Variants in EYS observed in about 807,000 individuals in gnomAD.
EYS encodes the protein EGF-like photoreceptor maintenance factor.
A neutral mutation model predicts 282.1 loss-of-function variants in EYS; 250 were observed. The ratio of observed to expected loss-of-function variants is 0.89; its 90% CI spans 0.80 to 0.98. The LOEUF is 0.98. EYS is among the 50% of genes least tolerant of loss of function. EYS has a pLI of 0.00. For missense variants in EYS, 4,016 were observed against 3,709.0 expected (o/e 1.08, Z -2.15); for synonymous variants, 1,355 against 1,282.9 (o/e 1.06, Z -1.20).
Position 64,886,805 on chromosome 6 carries a change from AG to A in EYS, c.2883del (p.Phe962SerfsTer6). On this transcript the variant is annotated frameshift_variant, in exon 19 of 43. Transcript: ENST00000503581. LOFTEE classifies it high-confidence loss of function. ...CATTTATTTACATCAAGTTCACAGA[AG>A]GGCCCATGGTACTCAGGTTCACAAT... ...FCNCEPEYHG[P>X]FCELDVNKCK... The A allele has an allele frequency of 6.5e-7, 1 of 1,544,884 alleles. No homozygotes were observed. The highest frequency in any genetic ancestry group is 1.7e-4 in the Middle Eastern group (1 of 5,956).
intron 1 of EYS, among the ~76,000 whole-genome samples, chr6:65,698,205 T>A (rs1326177273): frequency 1.3e-5 from 2 of 152,180 alleles, no homozygotes; most frequent in African/African-American, 2.4e-5. Context: ...CACAAATAAA[T>A]ATTTATCTTC....
At chr6:65,652,286 G>A (rs1767680630) in intron 1 of EYS, among the ~76,000 whole-genome samples, 1 of 152,034 alleles carries the variant, frequency 6.6e-6, no homozygotes, top group South Asian at 2.1e-4. Context: ...CTATGATGGA[G>A]TTATAGATGC....
chr6:64,272,943 T>C (rs975822652), intron 30 of EYS, among the ~76,000 whole-genome samples: 1 of 152,174 alleles, frequency 6.6e-6, no homozygotes, highest in African/African-American at 2.4e-5. Flanking sequence ...CACATATTGA[T>C]TTTCACCAGA....
intron 22 of EYS, among the ~76,000 whole-genome samples, chr6:64,776,414 T>A (rs1203600217): frequency 6.6e-6 from 1 of 152,054 alleles, no homozygotes; most frequent in African/African-American, 2.4e-5. Context: ...TTTTTCACTG[T>A]GCTGCAGGTT....
chr6:65,038,400 T>C (rs944246950), intron 13 of EYS, among the ~76,000 whole-genome samples: 1 of 151,448 alleles, frequency 6.6e-6, no homozygotes, highest in African/African-American at 2.4e-5. Flanking sequence ...TGAGAGAGTC[T>C]TATGTCAGTA....
At chr6:65,028,014 G>T (rs1210420747) in intron 13 of EYS, among the ~76,000 whole-genome samples, 2 of 152,004 alleles carry the variant, frequency 1.3e-5, no homozygotes, top group Non-Finnish European at 2.9e-5. Context: ...TTACTATCCT[G>T]CATTCCCATC....
chr6:64,030,345 G>A (rs1769761387), intron 33 of EYS, among the ~76,000 whole-genome samples: 1 of 152,252 alleles, frequency 6.6e-6, no homozygotes, highest in South Asian at 2.1e-4. Flanking sequence ...CCCAGCCAAG[G>A]CATATTTTTC....
intron 30 of EYS, among the ~76,000 whole-genome samples, chr6:64,232,237 A>G (rs553231917): frequency 1.3e-5 from 2 of 152,300 alleles, no homozygotes; most frequent in South Asian, 2.1e-4. Flanking sequence ...ATTGCAATCT[A>G]CATGAAGGAT....
intron 41 of EYS, among the ~76,000 whole-genome samples, chr6:63,736,651 G>A (rs1030834267): frequency 1.1e-4 from 16 of 152,090 alleles, no homozygotes; most frequent in African/African-American, 3.9e-4. Flanking sequence ...GATGGGGATG[G>A]CATTGAATCT....
intron 2 of EYS, among the ~76,000 whole-genome samples, chr6:65,599,121 C>G (rs572698770): frequency 6.6e-6 from 1 of 152,134 alleles, no homozygotes; most frequent in Non-Finnish European, 1.5e-5. Context: ...TGTTGGCCTT[C>G]CATATATGCG....
At chr6:65,130,702 A>C (rs1250326781) in intron 12 of EYS, among the ~76,000 whole-genome samples, 1 of 151,626 alleles carries the variant, frequency 6.6e-6, no homozygotes, top group Admixed American at 6.6e-5. Context: ...ATTTGGTACT[A>C]AGCTTAATAC....
intron 31 of EYS, among the ~76,000 whole-genome samples, chr6:64,133,631 C>T (rs1285865487): frequency 6.6e-6 from 1 of 151,794 alleles, no homozygotes; most frequent in Non-Finnish European, 1.5e-5. Context: ...TTATTTTCTC[C>T]ATATCTTGTA....
intron 37 of EYS, among the ~76,000 whole-genome samples, chr6:63,804,144 G>C (rs1438447243): frequency 1.3e-5 from 2 of 152,118 alleles, no homozygotes; most frequent in Admixed American, 1.3e-4. Flanking sequence ...AGCCTCCCAA[G>C]TAGCTAGGAT....
At chr6:64,838,091 C>T (rs1042627104) in intron 19 of EYS, among the ~76,000 whole-genome samples, 9 of 151,702 alleles carry the variant, frequency 5.9e-5, no homozygotes, top group African/African-American at 1.9e-4. Context: ...AGTAATGTTA[C>T]TATTTCTGCT....
chr6:65,205,072 A>G (rs1424555240), intron 12 of EYS, among the ~76,000 whole-genome samples: 2 of 144,214 alleles, frequency 1.4e-5, no homozygotes, highest in African/African-American at 5.1e-5. Flanking sequence ...ATATTCTAGA[A>G]GAATATATTT....
At chr6:65,654,732 G>A (rs2149821421) in intron 1 of EYS, among the ~76,000 whole-genome samples, 1 of 151,430 alleles carries the variant, frequency 6.6e-6, no homozygotes, top group Non-Finnish European at 1.5e-5. Flanking sequence ...CAATAAAAGG[G>A]AAAAAGAACT....
intron 12 of EYS, among the ~76,000 whole-genome samples, chr6:65,135,153 T>C (rs563509587): frequency 1.1e-4 from 16 of 152,188 alleles, no homozygotes; most frequent in African/African-American, 3.6e-4. Context: ...AGGGAAATAA[T>C]AGAGAAAATC....
intron 5 of EYS, among the ~76,000 whole-genome samples, chr6:65,426,823 T>G (rs2150380904): frequency 6.6e-6 from 1 of 152,288 alleles, no homozygotes; most frequent in South Asian, 2.1e-4. Flanking sequence ...GTTATAAACC[T>G]TAATTTAGTA....
chr6:63,743,358 C>T (rs1769131828), intron 41 of EYS, among the ~76,000 whole-genome samples: 1 of 152,136 alleles, frequency 6.6e-6, no homozygotes, highest in Non-Finnish European at 1.5e-5. Flanking sequence ...AATTAGAATT[C>T]TAATTAGAAT....
Sources: allele counts gnomAD v4.1 joint callset (sites outside exome capture counted in the v4.1 genomes callset), GRCh38; gene constraint gnomAD v4.1.1; transcripts MANE v1.5; gene names NCBI Gene and HGNC (gene_info 2026-07-23, HGNC 2026-07-21).